The following MED27 variants were observed in gnomAD, a reference collection of about 807,000 sequenced individuals.
The protein encoded by MED27 is mediator complex subunit 27, also known as mediator of RNA polymerase II transcription subunit 27.
MED27 carries 30 observed loss-of-function variants against 38.2 expected under a neutral mutation model. That is an observed-to-expected ratio of 0.79 (90% CI 0.59 to 1.07). The LOEUF (loss-of-function observed/expected upper bound fraction) is 1.07, where lower values mean the gene tolerates loss of function less well. Ranked by LOEUF, MED27 falls within the 50% of genes least tolerant of loss-of-function variation. The probability of loss-of-function intolerance (pLI) is 0.00; values close to 1 mark genes in which losing one functional copy is unlikely to be tolerated. For missense variants in MED27, 289 were observed against 397.5 expected (o/e 0.73, Z 2.32); for synonymous variants, 122 against 153.5 (o/e 0.79, Z 1.52).
At chr9:131,920,531 G>A (rs765394373) in intron 4 of MED27, among the ~76,000 whole-genome samples, 1 of 152,204 alleles carries the variant, frequency 6.6e-6, no homozygotes, top group African/African-American at 2.4e-5. Flanking sequence ...TCTCTCCTGT[G>A]TGGAACTTAG....
intron 3 of MED27, among the ~76,000 whole-genome samples, chr9:131,964,625 T>C (rs1444342088): frequency 6.6e-6 from 1 of 152,122 alleles, no homozygotes; most frequent in East Asian, 1.9e-4. Context: ...GCAAGGAGAA[T>C]TTGGATTGGT....
chr9:132,027,443 G>GCT (rs549903258), intron 2 of MED27, among the ~76,000 whole-genome samples: 82 of 152,328 alleles, frequency 5.4e-4, no homozygotes, highest in African/African-American at 1.9e-3. Context: ...ACTCGCCTCT[G>GCT]CTCTCTCTGG....
intron 3 of MED27, among the ~76,000 whole-genome samples, chr9:131,977,671 G>A (rs1831638089): frequency 6.6e-6 from 1 of 152,182 alleles, no homozygotes; most frequent in Non-Finnish European, 1.5e-5. Flanking sequence ...CTTGGTTCAT[G>A]TAAAGGGCTT....
intron 2 of MED27, among the ~76,000 whole-genome samples, chr9:132,060,126 C>T (rs958697908): frequency 2.0e-5 from 3 of 152,110 alleles, no homozygotes; most frequent in African/African-American, 7.2e-5. Context: ...AACAAATTAA[C>T]AAAAATTCAG....
At chr9:132,010,393 A>G (rs1416218598) in intron 3 of MED27, among the ~76,000 whole-genome samples, 1 of 152,222 alleles carries the variant, frequency 6.6e-6, no homozygotes, top group Non-Finnish European at 1.5e-5. Flanking sequence ...CAGGTGCTGG[A>G]GAGGATGTGG....
chr9:131,906,452 G>C (rs1830064852), intron 4 of MED27, among the ~76,000 whole-genome samples: 3 of 152,162 alleles, frequency 2.0e-5, no homozygotes, highest in African/African-American at 7.2e-5. Context: ...GAACAGAAAG[G>C]AGGTCGGACA....
intron 3 of MED27, among the ~76,000 whole-genome samples, chr9:132,006,568 TCA>T (rs1485066791): frequency 6.6e-6 from 1 of 151,982 alleles, no homozygotes; most frequent in East Asian, 1.9e-4. Flanking sequence ...ATGCTCACAG[TCA>T]CTATGTAAAT....
At chr9:132,009,904 T>G (rs1832443943) in intron 3 of MED27, among the ~76,000 whole-genome samples, 2 of 152,208 alleles carry the variant, frequency 1.3e-5, no homozygotes, top group African/African-American at 4.8e-5. Context: ...AATAAAAATT[T>G]TGTTGATGGG....
rs1038462922 is a variant in MED27 at position 132,014,356 on chromosome 9, T to C, written c.460A>G (p.Thr154Ala). 3.1e-6 allele frequency: 5 copies of C among 1,612,452 alleles called. No individual in the cohort carries two copies. Among genetic ancestry groups the C allele is most frequent in the Admixed American group, 1.7e-5 (1 of 59,950 alleles). ...ACTCACTGAGGTGGTAGGACAAGAG[T>C]TGTGGGCTGAGCCTTTGGTCTACGT... ...AKRRPKAQPTTLVLPPQYVDD... is the reference protein window; with the variant it reads ...AKRRPKAQPTALVLPPQYVDD... The change falls in exon 3 of 8, where the codon ACT becomes GCT. Residue 154 changes from threonine (T) to alanine (A), a missense_variant. Physicochemically the swap from Thr to Ala is moderately conservative, Grantham distance 58. Coordinates refer to ENST00000292035, the MANE Select transcript of MED27 (RefSeq NM_004269.4).
intron 3 of MED27, among the ~76,000 whole-genome samples, chr9:132,000,680 T>G (rs562495672): frequency 4.6e-5 from 7 of 152,196 alleles, no homozygotes; most frequent in South Asian, 4.1e-4. Context: ...AAATAACCTA[T>G]TGATACATGC....
intron 1 of MED27, among the ~76,000 whole-genome samples, chr9:132,078,279 C>G (rs1419217667): frequency 6.6e-6 from 1 of 152,126 alleles, no homozygotes; most frequent in Non-Finnish European, 1.5e-5. Context: ...ATGCCACATT[C>G]ATTTTGGAAT....
At chr9:132,007,076 C>G (rs773617952) in intron 3 of MED27, among the ~76,000 whole-genome samples, 19 of 152,160 alleles carry the variant, frequency 1.2e-4, no homozygotes, top group Non-Finnish European at 2.2e-4. Context: ...AATCAGTGGC[C>G]GTACCAAAGG....
At chr9:131,924,218 C>T (rs1830444145) in intron 4 of MED27, among the ~76,000 whole-genome samples, 1 of 152,170 alleles carries the variant, frequency 6.6e-6, no homozygotes, top group Non-Finnish European at 1.5e-5. Flanking sequence ...GGCGTTTCCC[C>T]ACAGCCTTTA....
chr9:131,914,822 G>C (rs1037538106), intron 4 of MED27, among the ~76,000 whole-genome samples: 11 of 152,190 alleles, frequency 7.2e-5, no homozygotes, highest in Non-Finnish European at 1.3e-4. Flanking sequence ...GCCTGAACTG[G>C]GTGGCACTGG....
At chr9:132,028,719 C>T (rs1172223783) in intron 2 of MED27, among the ~76,000 whole-genome samples, 1 of 151,954 alleles carries the variant, frequency 6.6e-6, no homozygotes, top group Non-Finnish European at 1.5e-5. Flanking sequence ...GACATTATAG[C>T]CTTCAAATCA....
intron 3 of MED27, among the ~76,000 whole-genome samples, chr9:131,944,295 A>G (rs557533478): frequency 6.6e-6 from 1 of 152,222 alleles, no homozygotes; most frequent in South Asian, 2.1e-4. Flanking sequence ...AGCATCTCCA[A>G]CAGGTGGTCT....
At chr9:132,034,541 A>T (rs917105390) in intron 2 of MED27, among the ~76,000 whole-genome samples, 2 of 152,236 alleles carry the variant, frequency 1.3e-5, no homozygotes, top group Non-Finnish European at 1.5e-5. Context: ...CACAAGGTAC[A>T]TCTCACTTTT....
rs191316447 is a variant in MED27 at position 131,946,175 on chromosome 9, C to T, written c.480-6701G>A. On this transcript the variant is annotated intron_variant, in intron 3 of 7. Coordinates refer to ENST00000292035, the MANE Select transcript of MED27 (RefSeq NM_004269.4). ...CTAATAGACAGTTAAGTTGATTCCA[C>T]ATCTTGGCTATTGTGAACAATATTG... 3.3e-5 allele frequency among the ~76,000 whole-genome samples: 5 copies of T among 152,248 alleles called. No individual in the cohort carries two copies. The East Asian group carries it at 9.7e-4, about 29-fold the overall frequency.
intron 5 of MED27, among the ~76,000 whole-genome samples, chr9:131,892,729 T>C (rs571829549): frequency 1.8e-4 from 27 of 152,282 alleles, no homozygotes; most frequent in African/African-American, 4.3e-4. Context: ...TGACCAACAG[T>C]GTGGAACCTT....
Sources: allele counts gnomAD v4.1 joint callset (sites outside exome capture counted in the v4.1 genomes callset), GRCh38; gene constraint gnomAD v4.1.1; transcripts MANE v1.5; gene names NCBI Gene and HGNC (gene_info 2026-07-23, HGNC 2026-07-21).